TNFRSF1B: variants seen among roughly 807,000 people sequenced by gnomAD.
TNFRSF1B encodes the protein tumor necrosis factor receptor superfamily member 1B.
TNFRSF1B carries 19 observed loss-of-function variants against 44.6 expected under a neutral mutation model. The ratio of observed to expected loss-of-function variants is 0.43; its 90% CI spans 0.30 to 0.62. The LOEUF is 0.62. Ranked by LOEUF, TNFRSF1B falls within the 20% of genes least tolerant of loss-of-function variation. The pLI, the probability that TNFRSF1B is intolerant of heterozygous loss-of-function variation, is 0.16. For synonymous variants in TNFRSF1B, 252 were observed against 261.1 expected (o/e 0.97, Z 0.34); for missense variants, 541 against 619.9 (o/e 0.87, Z 1.35).
intron 1 of TNFRSF1B, among the ~76,000 whole-genome samples, chr1:12,183,280 GC>G (rs1376879411): frequency 2.0e-5 from 3 of 152,140 alleles, no homozygotes; most frequent in Non-Finnish European, 2.9e-5. Context: ...TCCGCTTGCC[GC>G]CATCCTGGCC....
At position 12,186,583 on chromosome 1, in the gene TNFRSF1B, G is replaced by A. The variant is rs1638992473; in HGVS notation, c.79-2213G>A. On this transcript the variant is annotated intron_variant, in intron 1 of 9. Transcript: ENST00000376259. The surrounding 1 kb of genome is among the most constrained non-coding windows in gnomAD (Gnocchi z 4.8). ...GGCACTTGCCTAAGGCCACACAGCC[G>A]CTAAGTGGTGGAGTGAGGATTTGAA... Among the ~76,000 whole-genome samples, 2 of 152,218 alleles carry A rather than the reference G, an allele frequency of 1.3e-5. No homozygotes were observed. The highest frequency in any genetic ancestry group is 6.5e-5 in the Admixed American group (1 of 15,280).
At chr1:12,206,006 T>C (rs1170574378) in intron 9 of TNFRSF1B, among the ~76,000 whole-genome samples, 4 of 151,986 alleles carry the variant, frequency 2.6e-5, no homozygotes, top group Non-Finnish European at 5.9e-5. Context: ...GGTCCGAGGC[T>C]CTGGGCCCAA....
At chr1:12,196,193 C>T (rs573835106) in intron 8 of TNFRSF1B, among the ~76,000 whole-genome samples, 9 of 151,918 alleles carry the variant, frequency 5.9e-5, no homozygotes, top group African/African-American at 9.7e-5. Context: ...CTCAGCTACT[C>T]GGGAGGCTGA....
At position 12,167,039 on chromosome 1, in the gene TNFRSF1B, T is replaced by TGCGAGGGCGCGAGGGC. The variant is rs5745951; in HGVS notation, c.-44_-29dup. On this transcript the variant is annotated 5_prime_UTR_variant, in exon 1 of 10. Transcript: ENST00000376259. ...GGAGCCTGGAGAGAAGGCGCTGGGC[T>TGCGAGGGCGCGAGGGC]GCGAGGGCGCGAGGGCGCGAGGGCA... 1 of 1,208,690 alleles carries TGCGAGGGCGCGAGGGC rather than the reference T, an allele frequency of 8.3e-7. No homozygotes were observed. The highest frequency in any genetic ancestry group is 1.6e-5 in the African/African-American group (1 of 62,586). The allele number at this position is 1,208,690 out of a possible 1,614,324, so 74.9% of individuals were successfully genotyped here.
intron 2 of TNFRSF1B, among the ~76,000 whole-genome samples, chr1:12,189,877 C>CAGGGAACAGTGTGCCAGGAGG (rs1220790542): frequency 6.6e-6 from 1 of 152,166 alleles, no homozygotes; most frequent in Non-Finnish European, 1.5e-5. Context: ...TGCATGTATA[C>CAGGGAACAGTGTGCCAGGAGG]AGGGAACAGT....
intron 1 of TNFRSF1B, among the ~76,000 whole-genome samples, chr1:12,184,988 C>A (rs996675564): frequency 3.3e-5 from 5 of 152,182 alleles, no homozygotes; most frequent in African/African-American, 7.2e-5. Flanking sequence ...GGAGGCCGTT[C>A]GGTCGGAGGG....
In TNFRSF1B at chr1:12,168,424, T is replaced by G. The variant is rs1485911123; in HGVS notation, c.78+1255T>G. On this transcript the variant is annotated intron_variant, in intron 1 of 9. Coordinates refer to ENST00000376259, the MANE Select transcript of TNFRSF1B (RefSeq NM_001066.3). This position sits in a 1 kb window ranked among gnomAD's most constrained non-coding sequence, Gnocchi z 4.7. ...TGGGTCCTGGAGAACTGCCCCAGAG[T>G]AAGTCCTGGGTGGCCTTTGGGTCAG... Among the ~76,000 whole-genome samples, 2 of 152,044 alleles carry G rather than the reference T, an allele frequency of 1.3e-5. No individual in the cohort carries two copies. The highest frequency in any genetic ancestry group is 4.8e-5 in the African/African-American group (2 of 41,402).
chr1:12,196,782 C>T lies in TNFRSF1B; in HGVS notation c.900+2164C>T, dbSNP rs235252. ...TCCAGCTTCAATTCAGTGACACTGA[C>T]GGTTGCCGCCTGGTGGCGTGCGTAG... is the stretch of plus-strand genomic sequence containing the variant. On this transcript the variant is annotated intron_variant, in intron 8 of 9. Coordinates refer to ENST00000376259, the MANE Select transcript of TNFRSF1B (RefSeq NM_001066.3). 3.0e-3 allele frequency among the ~76,000 whole-genome samples: 457 copies of T among 152,280 alleles called. 4 individuals carry two copies. The highest frequency in any genetic ancestry group is 9.8e-3 in the African/African-American group (408 of 41,554).
chr1:12,194,875 G>C (rs1639232967), intron 8 of TNFRSF1B, among the ~76,000 whole-genome samples: 1 of 152,244 alleles, frequency 6.6e-6, no homozygotes, highest in Non-Finnish European at 1.5e-5. Context: ...TGGACCCACA[G>C]CGCAACCTTG....
intron 9 of TNFRSF1B, among the ~76,000 whole-genome samples, chr1:12,205,094 CAGG>C (rs1639474096): frequency 6.6e-6 from 1 of 151,988 alleles, no homozygotes; most frequent in South Asian, 2.1e-4. Context: ...CTCTGGAGAT[CAGG>C]AGATCACAGA....
At chr1:12,167,661 T>G (rs1638424500) in intron 1 of TNFRSF1B, 3 of 219,746 alleles carry the variant, frequency 1.4e-5, no homozygotes, top group Non-Finnish European at 2.9e-5. Context: ...TTCCGATTTC[T>G]TAGAAATACC....
In TNFRSF1B at chr1:12,207,869, C is replaced by T. The variant is rs1639546495; in HGVS notation, c.*849C>T. ...AGGTTGCAGGGAGCCGAGATCACGC[C>T]ACTGCACTCCAGCCTGGGCGACAGA... On this transcript the variant is annotated 3_prime_UTR_variant, in exon 10 of 10. Transcript: ENST00000376259. 1 of 152,084 alleles carries T rather than the reference C, an allele frequency of 6.6e-6. No homozygotes were observed. Among genetic ancestry groups the T allele is most frequent in the South Asian group, 2.1e-4 (1 of 4,826 alleles). The allele number at this position is 152,084 out of a possible 1,614,324, so 9.4% of individuals were successfully genotyped here.
At chr1:12,189,589 A>G (rs917041133) in intron 2 of TNFRSF1B, among the ~76,000 whole-genome samples, 2 of 152,186 alleles carry the variant, frequency 1.3e-5, no homozygotes, top group Non-Finnish European at 2.9e-5. Context: ...TGTCATGATT[A>G]TAAGGTATCT....
In TNFRSF1B at chr1:12,186,454, C is replaced by T. The variant is rs944155016; in HGVS notation, c.79-2342C>T. Among the ~76,000 whole-genome samples, 2 of 152,212 alleles carry T rather than the reference C, an allele frequency of 1.3e-5. No individual in the cohort carries two copies. The highest frequency in any genetic ancestry group is 2.9e-5 in the Non-Finnish European group (2 of 68,038). On this transcript the variant is annotated intron_variant, in intron 1 of 9. Coordinates refer to ENST00000376259, the MANE Select transcript of TNFRSF1B (RefSeq NM_001066.3). This position sits in a 1 kb window ranked among gnomAD's most constrained non-coding sequence, Gnocchi z 4.8. ...TCTGCTCTGACTGGCTTGCTGACAG[C>T]TGAAGTCCAGGATAGGTCCATGGCC...
Position 12,188,793 on chromosome 1 carries a change from C to T in TNFRSF1B, c.79-3C>T. 6.2e-7 allele frequency: 1 copy of T among 1,612,894 alleles called. No homozygotes were observed. Among genetic ancestry groups the T allele is most frequent in the Non-Finnish European group, 8.5e-7 (1 of 1,179,356 alleles). On this transcript the variant is annotated splice_region_variant and splice_polypyrimidine_tract_variant and intron_variant, in intron 1 of 9. Coordinates refer to ENST00000376259, the MANE Select transcript of TNFRSF1B (RefSeq NM_001066.3). Reference sequence around the variant, plus strand: ...GATGGCAGTCTTCCCTTCTTCCTTCCAGGTGGCATTTACACCCTACGCCCC... The same window carrying T: ...GATGGCAGTCTTCCCTTCTTCCTTCTAGGTGGCATTTACACCCTACGCCCC...
At chr1:12,184,573 G>A (rs1638936635) in intron 1 of TNFRSF1B, among the ~76,000 whole-genome samples, 1 of 152,198 alleles carries the variant, frequency 6.6e-6, no homozygotes. Context: ...GAGGGGAGGA[G>A]GTGGGAGGCC....
At chr1:12,195,227 A>G (rs1639240927) in intron 8 of TNFRSF1B, among the ~76,000 whole-genome samples, 1 of 152,258 alleles carries the variant, frequency 6.6e-6, no homozygotes, top group Non-Finnish European at 1.5e-5. Flanking sequence ...GAGACAGACC[A>G]ACAGTGTGTC....
In TNFRSF1B at chr1:12,177,282, C is replaced by T. The variant is rs575490701; in HGVS notation, c.78+10113C>T. 6.6e-5 allele frequency among the ~76,000 whole-genome samples: 10 copies of T among 152,296 alleles called. No homozygotes were observed. The highest frequency in any genetic ancestry group is 2.0e-4 in the Admixed American group (3 of 15,302). ...TTGGCCTCCCAGAGTGCTGGGATTA[C>T]AGGCGGGAGCCACCGTGCCCGGCCC... On this transcript the variant is annotated intron_variant, in intron 1 of 9. Coordinates refer to ENST00000376259, the MANE Select transcript of TNFRSF1B (RefSeq NM_001066.3). This position sits in a 1 kb window ranked among gnomAD's most constrained non-coding sequence, Gnocchi z 4.3.
chr1:12,194,004 G>A lies in TNFRSF1B; in HGVS notation c.837G>A (p.Val279=). ...TALGLLIIGV[V]NCVIMTQVKK... The stretch of plus-strand genomic sequence containing the variant: ...TGGGTCTACTAATAATAGGAGTGGT[G>A]AACTGTGTCATCATGACCCAGGTGA... Residue 279 remains valine (V), a synonymous_variant, in exon 7 of 10, where the codon GTG becomes GTA. Transcript: ENST00000376259. 6.2e-7 allele frequency: 1 copy of A among 1,614,038 alleles called. No homozygotes were observed. The highest frequency in any genetic ancestry group is 8.5e-7 in the Non-Finnish European group (1 of 1,179,944).
Sources: gnomAD v4.1 joint callset for allele counts (sites outside exome capture counted in the v4.1 genomes callset) on GRCh38, gnomAD v4.1.1 for gene constraint, Gnocchi (gnomAD v3.1) non-coding constraint, MANE v1.5 for transcripts, NCBI Gene and HGNC (gene_info 2026-07-23, HGNC 2026-07-21) for gene names.